Variants in PTPRM observed in about 807,000 individuals in gnomAD.
PTPRM encodes the protein protein tyrosine phosphatase receptor type M, also known as receptor-type tyrosine-protein phosphatase mu.
In PTPRM, 47 loss-of-function variants were observed where a neutral mutation model predicts 186.7. The ratio of observed to expected loss-of-function variants is 0.25; its 90% confidence interval spans 0.20 to 0.32. PTPRM has a LOEUF of 0.32. Among genes scored for constraint, PTPRM ranks in the 10% least tolerant of loss-of-function variants. The pLI, the probability that PTPRM is intolerant of heterozygous loss-of-function variation, is 1.00. For synonymous variants in PTPRM, 668 were observed against 674.9 expected (o/e 0.99, Z 0.16); for missense variants, 1,494 against 1,865.0 (o/e 0.80, Z 3.66).
intron 2 of PTPRM, among the ~76,000 whole-genome samples, chr18:7,824,969 C>A (rs528836217): frequency 6.6e-6 from 1 of 152,264 alleles, no homozygotes; most frequent in East Asian, 1.9e-4. Context: ...TGGATTTACA[C>A]CAAATGCTTA....
chr18:8,116,003 T>C (rs1487984997), intron 13 of PTPRM, among the ~76,000 whole-genome samples: 1 of 152,238 alleles, frequency 6.6e-6, no homozygotes, highest in Non-Finnish European at 1.5e-5. Flanking sequence ...TTTAAAACAC[T>C]CAATTTTTAT....
chr18:8,362,489 G>A (rs781150849), intron 23 of PTPRM, among the ~76,000 whole-genome samples: 2 of 152,048 alleles, frequency 1.3e-5, no homozygotes, highest in South Asian at 2.1e-4. Flanking sequence ...AGCAGCTGAC[G>A]GTCACAAAAT....
intron 15 of PTPRM, among the ~76,000 whole-genome samples, chr18:8,244,962 A>G (rs927213585): frequency 1.3e-5 from 2 of 152,186 alleles, no homozygotes; most frequent in African/African-American, 4.8e-5. Flanking sequence ...CCTGAGCTGC[A>G]TAACCAGGAT....
At chr18:7,946,231 G>A (rs1465967302) in intron 5 of PTPRM, among the ~76,000 whole-genome samples, 1 of 152,172 alleles carries the variant, frequency 6.6e-6, no homozygotes, top group Non-Finnish European at 1.5e-5. Flanking sequence ...GTCAGTAAGT[G>A]CAAACTTGAA....
At chr18:7,845,323 A>G (rs9948363) in intron 2 of PTPRM, among the ~76,000 whole-genome samples, 4,202 of 152,250 alleles carry the variant, frequency 0.028, 193 homozygotes, top group African/African-American at 0.095. Context: ...GCTAAGATGG[A>G]TTAATTTATG....
intron 17 of PTPRM, 125 bp downstream of exon 17, chr18:8,248,301 G>A (rs1204330936): frequency 3.1e-6 from 3 of 960,568 alleles, no homozygotes; most frequent in South Asian, 1.3e-5. Flanking sequence ...CATGTGGGAG[G>A]TGGGTGGCCT....
intron 20 of PTPRM, among the ~76,000 whole-genome samples, chr18:8,310,653 C>G (rs1157981579): frequency 6.6e-6 from 1 of 152,010 alleles, no homozygotes; most frequent in Non-Finnish European, 1.5e-5. Context: ...ATGCCATTCA[C>G]TCTCATAGCT....
chr18:8,070,739 T>C (rs1281847327), intron 8 of PTPRM, among the ~76,000 whole-genome samples: 1 of 152,196 alleles, frequency 6.6e-6, no homozygotes, highest in Non-Finnish European at 1.5e-5. Flanking sequence ...GTACATAAAA[T>C]ACAATGGTAG....
intron 7 of PTPRM, among the ~76,000 whole-genome samples, chr18:8,049,655 C>CAT (rs150500622): frequency 0.053 from 7,883 of 147,814 alleles, 196 homozygotes; most frequent in Middle Eastern, 0.089. Flanking sequence ...ACATAATAAA[C>CAT]ATATATATAT....
At chr18:8,167,204 T>C (rs1329944413) in intron 14 of PTPRM, among the ~76,000 whole-genome samples, 1 of 152,220 alleles carries the variant, frequency 6.6e-6, no homozygotes, top group East Asian at 1.9e-4. Flanking sequence ...TTTTCAAGCC[T>C]CCATGGTATG....
At chr18:7,620,285 C>G (rs76719709) in intron 1 of PTPRM, among the ~76,000 whole-genome samples, 10,035 of 152,152 alleles carry the variant, frequency 0.066, 460 homozygotes, top group South Asian at 0.19. Context: ...AACATTCTTT[C>G]TCTTCCTGCT....
At chr18:7,754,733 G>C (rs1207002444) in intron 1 of PTPRM, 2 of 152,234 alleles carry the variant, frequency 1.3e-5, no homozygotes, top group Non-Finnish European at 2.9e-5. Context: ...TGTTTGGGGG[G>C]ATCCCAAGGC....
intron 1 of PTPRM, among the ~76,000 whole-genome samples, chr18:7,677,162 C>G (rs534249788): frequency 6.6e-6 from 1 of 152,108 alleles, no homozygotes; most frequent in Admixed American, 6.5e-5. Context: ...TGTAAAACCA[C>G]GTTATTTCTA....
chr18:7,856,564 C>A (rs1443608), intron 2 of PTPRM, among the ~76,000 whole-genome samples: 101,720 of 151,254 alleles, frequency 0.67, 34,673 homozygotes, highest in East Asian at 0.96. Flanking sequence ...CATAGTGAGA[C>A]CCTGTCTTTG....
chr18:8,169,943 C>G (rs1051017035), intron 14 of PTPRM, among the ~76,000 whole-genome samples: 1 of 152,062 alleles, frequency 6.6e-6, no homozygotes, highest in African/African-American at 2.4e-5. Flanking sequence ...TTTGTTCAAA[C>G]TAAATAAGGC....
At chr18:8,156,788 A>G (rs2093130459) in intron 14 of PTPRM, among the ~76,000 whole-genome samples, 1 of 152,154 alleles carries the variant, frequency 6.6e-6, no homozygotes, top group African/African-American at 2.4e-5. Context: ...TTCTGCCAGC[A>G]TGTCTTATTC....
chr18:8,093,187 A>G (rs917532352), intron 11 of PTPRM, among the ~76,000 whole-genome samples: 6 of 152,148 alleles, frequency 3.9e-5, no homozygotes, highest in African/African-American at 1.4e-4. Flanking sequence ...GTCCAAGGAA[A>G]GAGATGTTCA....
At chr18:7,912,163 T>G (rs1460408997) in intron 4 of PTPRM, among the ~76,000 whole-genome samples, 1 of 152,038 alleles carries the variant, frequency 6.6e-6, no homozygotes, top group African/African-American at 2.4e-5. Flanking sequence ...ATAGTTTCAA[T>G]TCTTACTTAC....
Position 7,914,908 on chromosome 18 carries a change from A to G in PTPRM, c.547+8325A>G, listed in dbSNP as rs550921459. Among the ~76,000 whole-genome samples the G allele has an allele frequency of 2.6e-5, 4 of 152,292 alleles. No individual in the cohort carries two copies. In the East Asian group the frequency reaches 7.7e-4, roughly 29 times the overall value. On this transcript the variant is annotated intron_variant, in intron 4 of 32. Transcript: ENST00000580170. ...TCTGGTGGTTGGGCATGCATCCCGT[A>G]CATTTCAACCTATGCCATTACATTA...
Sources: gnomAD v4.1 joint callset for allele counts (sites outside exome capture counted in the v4.1 genomes callset) on GRCh38, gnomAD v4.1.1 for gene constraint, MANE v1.5 for transcripts, NCBI Gene and HGNC (gene_info 2026-07-23, HGNC 2026-07-21) for gene names.